RGS3: variants seen among roughly 807,000 people sequenced by gnomAD.
RGS3 encodes regulator of G protein signaling 3, also known as regulator of G-protein signalling 3.
A neutral mutation model predicts 132.6 loss-of-function variants in RGS3; 80 were observed. The ratio of observed to expected loss-of-function variants is 0.60; its 90% confidence interval spans 0.50 to 0.73. The LOEUF (loss-of-function observed/expected upper bound fraction) is 0.73, where lower values mean the gene tolerates loss of function less well. Ranked by LOEUF, RGS3 falls within the 30% of genes least tolerant of loss-of-function variation. The pLI, the probability that RGS3 is intolerant of heterozygous loss-of-function variation, is 0.00. For synonymous variants in RGS3, 598 were observed against 620.6 expected, an observed-to-expected ratio of 0.96 and a Z score of 0.54; for missense variants, 1,382 against 1,530.8, an observed-to-expected ratio of 0.90 and a Z score of 1.62.
At chr9:113,535,799 A>C (rs1832653725) in intron 18 of RGS3, among the ~76,000 whole-genome samples, 1 of 152,156 alleles carries the variant, frequency 6.6e-6, no homozygotes, top group Non-Finnish European at 1.5e-5. Flanking sequence ...TGGGGTTATA[A>C]TCAAATTCTA....
chr9:113,554,863 T>C (rs980944759), intron 19 of RGS3, among the ~76,000 whole-genome samples: 20 of 152,344 alleles, frequency 1.3e-4, no homozygotes, highest in African/African-American at 4.8e-4. Context: ...TGAGAGCACC[T>C]ATATTTTCTA....
Position 113,498,095 on chromosome 9 carries a change from G to A in RGS3, c.897+15G>A. The A allele has an allele frequency of 6.2e-7, 1 of 1,613,138 alleles. No individual in the cohort carries two copies. The highest frequency in any genetic ancestry group is 8.5e-7 in the Non-Finnish European group (1 of 1,179,134). ...AGAAACTAAAGGTAGGTGGGGACAA[G>A]CTAGGGCATTGCTCCAGGAGCTGGA... On this transcript the variant is annotated intron_variant, in intron 10 of 24. Transcript: ENST00000350696.
chr9:113,595,886 G>C, intron 24 of RGS3, 121 bp downstream of exon 22: 1 of 1,065,044 alleles, frequency 9.4e-7, no homozygotes, highest in Non-Finnish European at 1.4e-6. Context: ...ATGAGCCCAG[G>C]TACCCAGCAG....
At chr9:113,517,216 C>T (rs537521965) in intron 15 of RGS3, 198 of 513,424 alleles carry the variant, frequency 3.9e-4, no homozygotes, top group African/African-American at 3.6e-3. Flanking sequence ...GCCCAGGAGC[C>T]CAGTGCAGTG....
chr9:113,565,382 T>A lies in RGS3; in HGVS notation c.2038-18068T>A, dbSNP rs748115847. 2 of 1,288,018 alleles carry A rather than the reference T, an allele frequency of 1.6e-6. 1 individual carries two copies. The highest frequency in any genetic ancestry group is 2.5e-5 in the South Asian group (2 of 81,484). 79.8% of individuals were successfully genotyped at this position (1,288,018 alleles called of 1,614,324 possible). ...CAGGGTGTGTGTTTGGGAAAGGCGC[T>A]GGAGGAGGAGGAAGAGGAGGAGGAC... On this transcript the variant is annotated intron_variant, in intron 19 of 24. Coordinates refer to ENST00000350696, the Ensembl canonical transcript of RGS3. The surrounding 1 kb of genome is among the most constrained non-coding windows in gnomAD (Gnocchi z 5.7).
upstream of RGS3, among the ~76,000 whole-genome samples, chr9:113,459,530 A>G (rs1829425164): frequency 1.3e-5 from 2 of 152,280 alleles, no homozygotes; most frequent in South Asian, 2.1e-4. Flanking sequence ...TGTACGGTTC[A>G]CTTGAGGTCA....
At chr9:113,594,070 C>T in intron 21 of RGS3, 1 of 1,613,042 alleles carries the variant, frequency 6.2e-7, no homozygotes, top group Non-Finnish European at 8.5e-7. Context: ...CCTCCTGGTC[C>T]CTCCCATTTC....
At chr9:113,450,587 G>T (rs1176335544) in intron 1 of RGS3, among the ~76,000 whole-genome samples, 2 of 152,158 alleles carry the variant, frequency 1.3e-5, no homozygotes, top group East Asian at 1.9e-4. Flanking sequence ...GGCAGAGGTG[G>T]TGCTGGGCCC....
intron 19 of RGS3, among the ~76,000 whole-genome samples, chr9:113,553,451 AAAAAAAAAAT>A (rs1297292199): frequency 3.7e-5 from 4 of 109,038 alleles, no homozygotes; most frequent in African/African-American, 1.5e-4. Context: ...TAAAAAAAAA[AAAAAAAAAAT>A]ATATATATAT....
intron 17 of RGS3, among the ~76,000 whole-genome samples, chr9:113,526,460 G>A (rs1318191160): frequency 2.0e-5 from 3 of 152,294 alleles, no homozygotes; most frequent in African/African-American, 7.2e-5. Context: ...TGGTCAGGAC[G>A]TAGGCTCTGG....
At chr9:113,585,936 G>A (rs562321402) in intron 20 of RGS3, among the ~76,000 whole-genome samples, 9 of 152,288 alleles carry the variant, frequency 5.9e-5, no homozygotes, top group South Asian at 2.1e-4. Flanking sequence ...CTAAATCTCC[G>A]TTTCCTCATC....
chr9:113,476,357 A>G (rs911907684), intron 3 of RGS3, among the ~76,000 whole-genome samples: 3 of 152,148 alleles, frequency 2.0e-5, no homozygotes, highest in African/African-American at 7.2e-5. Context: ...CGTTCTGGCT[A>G]CAAAATGAGG....
At chr9:113,478,389 C>G (rs544735841) in intron 3 of RGS3, among the ~76,000 whole-genome samples, 23 of 152,258 alleles carry the variant, frequency 1.5e-4, no homozygotes, top group Admixed American at 5.9e-4. Flanking sequence ...CTTGACTACC[C>G]TCCTCCAATT....
chr9:113,485,796 A>C (rs1226485624), intron 7 of RGS3, 103 bp downstream of exon 5: 6 of 770,456 alleles, frequency 7.8e-6, no homozygotes, highest in African/African-American at 1.7e-5. Flanking sequence ...TTTCTGGATA[A>C]ATGAGTGATA....
Position 113,482,912 on chromosome 9 carries a change from G to A in RGS3, c.467-147G>A, listed in dbSNP as rs771101901. ...TGCAGATTAAGGGCCTAGTAGCAGG[G>A]GCCATAGCCCTGCTACTCACAGATA... is the stretch of plus-strand genomic sequence containing the variant. On this transcript the variant is annotated intron_variant, in intron 4 of 24. Transcript: ENST00000350696. 11 of 1,513,584 alleles carry A rather than the reference G, an allele frequency of 7.3e-6. No homozygotes were observed. In the Admixed American group the frequency reaches 2.3e-4, roughly 32 times the overall value. 93.8% of individuals were successfully genotyped at this position (1,513,584 alleles called of 1,614,324 possible).
intron 19 of RGS3, among the ~76,000 whole-genome samples, chr9:113,557,791 G>C (rs756332571): frequency 6.6e-6 from 1 of 151,990 alleles, no homozygotes; most frequent in Non-Finnish European, 1.5e-5. Flanking sequence ...AGGCAGGGGA[G>C]GCTTGGGATG....
At position 113,565,148 on chromosome 9, in the gene RGS3, G is replaced by C; in HGVS notation, c.2038-18302G>C. On this transcript the variant is annotated intron_variant, in intron 19 of 24. Coordinates refer to ENST00000350696, the Ensembl canonical transcript of RGS3. The surrounding 1 kb of genome is among the most constrained non-coding windows in gnomAD (Gnocchi z 5.7). ...TGGGCCCTGGGGATGAGCCACAGGG[G>C]ACCCACAGCCTATGCGTGTGAGCAT... 1.7e-6 allele frequency: 2 copies of C among 1,190,366 alleles called. No individual in the cohort carries two copies. Among genetic ancestry groups the C allele is most frequent in the South Asian group, 3.1e-5 (2 of 64,210 alleles). 73.7% of individuals were successfully genotyped at this position (1,190,366 alleles called of 1,614,324 possible). A position where few individuals can be genotyped will look rare whatever the true frequency, so the allele number is the denominator to read the frequency against.
Position 113,554,845 on chromosome 9 carries a change from T to G in RGS3, c.2037+17927T>G, listed in dbSNP as rs549242169. On this transcript the variant is annotated intron_variant, in intron 19 of 24. Transcript: ENST00000350696. ...AACTTTTTTTATAATCAAGTTTTTT[T>G]GGGGGGTTGAGAGCACCTATATTTT... Among the ~76,000 whole-genome samples, 6 of 152,338 alleles carry G rather than the reference T, an allele frequency of 3.9e-5. No homozygotes were observed. In the East Asian group the frequency reaches 1.2e-3, roughly 29 times the overall value.
At chr9:113,485,643 T>G (rs2119233901) in exon 7 of RGS3, 1 of 1,599,146 alleles carries the variant, frequency 6.3e-7, no homozygotes, top group East Asian at 2.2e-5. Context: ...AAGAGGAGGA[T>G]GATCAGAAGC....
Sources: gnomAD v4.1 joint callset for allele counts (sites outside exome capture counted in the v4.1 genomes callset) on GRCh38, gnomAD v4.1.1 for gene constraint, Gnocchi (gnomAD v3.1) non-coding constraint, MANE v1.5 for transcripts, NCBI Gene and HGNC (gene_info 2026-07-23, HGNC 2026-07-21) for gene names.